MXD1: variants seen among roughly 807,000 people sequenced by gnomAD.
MXD1 encodes MAX-binding protein.
Under a neutral mutation model 25.7 loss-of-function variants are expected in MXD1, and 9 were observed. The observed-to-expected ratio is 0.35, with a 90% confidence interval of 0.21 to 0.61. The LOEUF (loss-of-function observed/expected upper bound fraction) is 0.61. MXD1 is among the 20% of genes least tolerant of loss of function. The pLI is 0.75. For synonymous variants in MXD1, 99 were observed against 113.9 expected, an observed-to-expected ratio of 0.87 and a Z score of 0.83; for missense variants, 227 against 292.4, an observed-to-expected ratio of 0.78 and a Z score of 1.63.
rs771598425 is a variant in MXD1 at position 69,916,236 on chromosome 2, CTTCT to C, written c.173+21_173+24del. The C allele has an allele frequency of 4.1e-6, 6 of 1,460,038 alleles. No individual in the cohort carries two copies. Among genetic ancestry groups the C allele is most frequent in the East Asian group, 2.3e-5 (1 of 43,524 alleles). The allele number at this position is 1,460,038 out of a possible 1,614,324, so 90.4% of individuals were successfully genotyped here. A position where few individuals can be genotyped will look rare whatever the true frequency, so the allele number is the denominator to read the frequency against. ...GCAGTAGCAGGTAATTTGGTAAATA[CTTCT>C]TTCTGTCTTTTAGATTATATTGTAG... is the stretch of plus-strand genomic sequence containing the variant. On this transcript the variant is annotated intron_variant, in intron 2 of 5. Coordinates refer to ENST00000264444, the MANE Select transcript of MXD1 (RefSeq NM_002357.4).
chr2:69,920,736 G>A (rs1203374410), intron 2 of MXD1, among the ~76,000 whole-genome samples: 1 of 152,166 alleles, frequency 6.6e-6, no homozygotes, highest in Non-Finnish European at 1.5e-5. Flanking sequence ...TTCATAGAAA[G>A]GTCAAGCAAG....
intron 2 of MXD1, among the ~76,000 whole-genome samples, chr2:69,919,337 CATTTT>C (rs1363281502): frequency 6.6e-6 from 1 of 151,906 alleles, no homozygotes; most frequent in Non-Finnish European, 1.5e-5. Flanking sequence ...TACTTTCATC[CATTTT>C]ATTTTATTTA....
Position 69,941,851 on chromosome 2 carries a change from AG to A in MXD1, c.*3568del, listed in dbSNP as rs1288142692. 3 of 149,508 alleles carry A rather than the reference AG, an allele frequency of 2.0e-5. No homozygotes were observed. Among genetic ancestry groups the A allele is most frequent in the Non-Finnish European group, 3.0e-5 (2 of 67,332 alleles). 9.3% of individuals were successfully genotyped at this position (149,508 alleles called of 1,614,324 possible). On this transcript the variant is annotated 3_prime_UTR_variant, in exon 6 of 6. Coordinates refer to ENST00000264444, the MANE Select transcript of MXD1 (RefSeq NM_002357.4). ...TTCAAGAGAGAACTTATTTTTGAAA[AG>A]TATCTATATATACACACACACACAC...
At position 69,937,335 on chromosome 2, in the gene MXD1, G is replaced by GT; in HGVS notation, c.419_420insT (p.Arg140SerfsTer26). Reference sequence around the variant, plus strand: ...CAGCTGGAGAAGCTGGGCATTGAGAGGATCCGGATGGACAGCATCGGCTCC... The same window carrying GT: ...CAGCTGGAGAAGCTGGGCATTGAGAGTGATCCGGATGGACAGCATCGGCTCC... On this transcript the variant is annotated frameshift_variant, in exon 5 of 6. Coordinates refer to ENST00000264444, the MANE Select transcript of MXD1 (RefSeq NM_002357.4). LOFTEE classifies it high-confidence loss of function. 6.2e-7 allele frequency: 1 copy of GT among 1,614,168 alleles called. No individual in the cohort carries two copies. Among genetic ancestry groups the GT allele is most frequent in the Non-Finnish European group, 8.5e-7 (1 of 1,180,030 alleles).
At chr2:69,924,184 A>G (rs1312807816) in intron 3 of MXD1, among the ~76,000 whole-genome samples, 1 of 152,228 alleles carries the variant, frequency 6.6e-6, no homozygotes, top group Non-Finnish European at 1.5e-5. Context: ...AGATGCAGAG[A>G]CAGTTTCAGT....
chr2:69,924,369 T>C (rs1383369452), intron 3 of MXD1, among the ~76,000 whole-genome samples: 1 of 152,218 alleles, frequency 6.6e-6, no homozygotes. Flanking sequence ...CTTTTCTTTT[T>C]TGGAATTTGG....
chr2:69,923,964 G>C (rs1402569654), intron 3 of MXD1, among the ~76,000 whole-genome samples: 2 of 152,152 alleles, frequency 1.3e-5, no homozygotes, highest in Non-Finnish European at 2.9e-5. Flanking sequence ...TTCACATAAA[G>C]ACTTACTAAA....
At chr2:69,934,072 A>C (rs1351211417) in intron 3 of MXD1, among the ~76,000 whole-genome samples, 1 of 152,246 alleles carries the variant, frequency 6.6e-6, no homozygotes, top group Admixed American at 6.5e-5. Context: ...ACACTTATTA[A>C]GCATGTGTGT....
intron 2 of MXD1, among the ~76,000 whole-genome samples, chr2:69,921,383 C>T (rs1677061159): frequency 6.6e-6 from 1 of 152,216 alleles, no homozygotes. Context: ...CTGTTCTACC[C>T]TTAGCCTACA....
chr2:69,915,569 C>T lies in MXD1; in HGVS notation c.73+166C>T, dbSNP rs1436870655. ...CACGCGCGGTCCGAAGGGAAGCCGC[C>T]GCTGCCCCAAAGCAATGAATGGGGT... On this transcript the variant is annotated intron_variant, in intron 1 of 5. Transcript: ENST00000264444. This position sits in a 1 kb window ranked among gnomAD's most constrained non-coding sequence, Gnocchi z 5.8. Among the ~76,000 whole-genome samples the T allele has an allele frequency of 1.3e-5, 2 of 152,200 alleles. No homozygotes were observed. The highest frequency in any genetic ancestry group is 2.9e-5 in the Non-Finnish European group (2 of 68,022).
chr2:69,921,606 G>A, intron 2 of MXD1, 130 bp from the exon 3 acceptor site: 1 of 677,074 alleles, frequency 1.5e-6, no homozygotes, highest in Non-Finnish European at 2.3e-6. Flanking sequence ...AGAGCCCAGT[G>A]AATTTTTCTG....
intron 3 of MXD1, among the ~76,000 whole-genome samples, chr2:69,923,422 T>C (rs1452104592): frequency 3.9e-5 from 6 of 152,202 alleles, no homozygotes; most frequent in Admixed American, 3.3e-4. Flanking sequence ...TAAAGACATG[T>C]GGTTATTTCC....
chr2:69,937,049 AGAGTCAGACGAAGCCAG>A (rs1223634535), intron 4 of MXD1, 169 bp from the exon 5 acceptor site: 1 of 780,648 alleles, frequency 1.3e-6, no homozygotes, highest in African/African-American at 1.7e-5. Flanking sequence ...GCGATGCTGA[AGAGTCAGACGAAGCCAG>A]GAGTCACTGG....
intron 2 of MXD1, among the ~76,000 whole-genome samples, chr2:69,918,779 G>C (rs1677006261): frequency 6.6e-6 from 1 of 152,102 alleles, no homozygotes; most frequent in South Asian, 2.1e-4. Context: ...TGATTCCAGA[G>C]TTATCCATTG....
chr2:69,937,528 G>T (rs1677482157), intron 5 of MXD1, 134 bp downstream of exon 5: 1 of 791,642 alleles, frequency 1.3e-6, no homozygotes, highest in East Asian at 2.8e-5. Flanking sequence ...GTCGAACAGT[G>T]TGACCTCCAG....
chr2:69,931,539 T>C (rs899934130), intron 3 of MXD1, among the ~76,000 whole-genome samples: 2 of 152,220 alleles, frequency 1.3e-5, no homozygotes, highest in Non-Finnish European at 2.9e-5. Context: ...TAGTACTCCA[T>C]TATGTATATG....
At chr2:69,927,369 A>G (rs908639276) in intron 3 of MXD1, among the ~76,000 whole-genome samples, 1 of 152,226 alleles carries the variant, frequency 6.6e-6, no homozygotes, top group African/African-American at 2.4e-5. Context: ...TTGTTGCAAC[A>G]TGGGGTAAGG....
At chr2:69,925,503 G>A (rs940269288) in intron 3 of MXD1, among the ~76,000 whole-genome samples, 1 of 151,982 alleles carries the variant, frequency 6.6e-6, no homozygotes, top group African/African-American at 2.4e-5. Context: ...GCCTCTCAGA[G>A]GTAACACCTG....
chr2:69,936,315 C>T (rs911308559), intron 4 of MXD1, among the ~76,000 whole-genome samples: 1 of 152,028 alleles, frequency 6.6e-6, no homozygotes, highest in Non-Finnish European at 1.5e-5. Flanking sequence ...TGTCTCAATC[C>T]TTAGACTATA....
Sources: gnomAD v4.1 joint callset for allele counts (sites outside exome capture counted in the v4.1 genomes callset) on GRCh38, gnomAD v4.1.1 for gene constraint, Gnocchi (gnomAD v3.1) non-coding constraint, MANE v1.5 for transcripts, NCBI Gene and HGNC (gene_info 2026-07-23, HGNC 2026-07-21) for gene names.